FRMD4A: variants seen among roughly 807,000 people sequenced by gnomAD.
The protein encoded by FRMD4A is FERM domain-containing protein 4A.
In FRMD4A, 29 loss-of-function variants were observed where a neutral mutation model predicts 129.1. That is an observed-to-expected ratio of 0.22 (90% CI 0.17 to 0.31). The LOEUF (loss-of-function observed/expected upper bound fraction) is 0.31. Ranked by LOEUF, FRMD4A falls within the 10% of genes least tolerant of loss-of-function variation. The probability of loss-of-function intolerance (pLI) is 1.00; values close to 1 mark genes in which losing one functional copy is unlikely to be tolerated. For missense variants in FRMD4A, 1,272 were observed against 1,375.8 expected, an observed-to-expected ratio of 0.92 and a Z score of 1.19; for synonymous variants, 634 against 571.6, an observed-to-expected ratio of 1.11 and a Z score of -1.56.
At chr10:14,006,644 A>G (rs1224743455) in intron 2 of FRMD4A, among the ~76,000 whole-genome samples, 1 of 152,194 alleles carries the variant, frequency 6.6e-6, no homozygotes, top group Non-Finnish European at 1.5e-5. Flanking sequence ...AAGGCACACA[A>G]TTCACACTTC....
At chr10:14,314,963 T>C (rs1313281451) in intron 2 of FRMD4A, among the ~76,000 whole-genome samples, 2 of 152,124 alleles carry the variant, frequency 1.3e-5, no homozygotes, top group East Asian at 3.9e-4. Context: ...TTTTTTTAAT[T>C]TTTACTTTCC....
intron 2 of FRMD4A, among the ~76,000 whole-genome samples, chr10:14,230,008 A>G (rs569802195): frequency 6.6e-6 from 1 of 152,336 alleles, no homozygotes; most frequent in South Asian, 2.1e-4. Context: ...CTGTCTATAG[A>G]GGAAGGCTGA....
intron 3 of FRMD4A, among the ~76,000 whole-genome samples, chr10:13,834,028 G>C (rs1424237252): frequency 6.6e-6 from 1 of 152,066 alleles, no homozygotes; most frequent in Non-Finnish European, 1.5e-5. Context: ...GAGGCCACGG[G>C]GGAGGTGGGT....
At chr10:13,710,118 G>A (rs551747190) in intron 12 of FRMD4A, among the ~76,000 whole-genome samples, 1 of 152,234 alleles carries the variant, frequency 6.6e-6, no homozygotes, top group African/African-American at 2.4e-5. Context: ...AGGCTCTGTG[G>A]GGTAAGGTGC....
chr10:14,005,427 G>C (rs1248994081), intron 2 of FRMD4A, among the ~76,000 whole-genome samples: 1 of 152,176 alleles, frequency 6.6e-6, no homozygotes, highest in East Asian at 1.9e-4. Context: ...TCAGGATTTG[G>C]TGGATGTCTA....
chr10:14,266,738 G>A (rs573763300), intron 2 of FRMD4A, among the ~76,000 whole-genome samples: 5 of 152,118 alleles, frequency 3.3e-5, no homozygotes, highest in Non-Finnish European at 7.4e-5. Context: ...TTATCATAAA[G>A]AGACTCCAAG....
intron 2 of FRMD4A, among the ~76,000 whole-genome samples, chr10:14,107,902 G>T (rs1317692409): frequency 1.3e-5 from 2 of 152,150 alleles, no homozygotes; most frequent in Admixed American, 1.3e-4. Flanking sequence ...GATAAATAAT[G>T]CTGCAAAGAG....
intron 2 of FRMD4A, among the ~76,000 whole-genome samples, chr10:14,224,309 G>A (rs576132300): frequency 6.6e-6 from 1 of 152,284 alleles, no homozygotes; most frequent in East Asian, 1.9e-4. Context: ...TGCTTTCTCT[G>A]CCATCCTTGT....
chr10:13,965,873 A>G (rs550784131), intron 2 of FRMD4A, among the ~76,000 whole-genome samples: 17 of 152,396 alleles, frequency 1.1e-4, no homozygotes, highest in African/African-American at 3.8e-4. Flanking sequence ...CAAAATAGGT[A>G]GGAAGAAGAG....
At chr10:14,281,956 A>G (rs1290682172) in intron 2 of FRMD4A, among the ~76,000 whole-genome samples, 2 of 152,208 alleles carry the variant, frequency 1.3e-5, no homozygotes, top group Non-Finnish European at 2.9e-5. Context: ...GTGATTTATA[A>G]AGAAAAAGAG....
chr10:13,904,126 C>G (rs12266478), intron 2 of FRMD4A, among the ~76,000 whole-genome samples: 1 of 152,174 alleles, frequency 6.6e-6, no homozygotes, highest in East Asian at 1.9e-4. Flanking sequence ...TGGGACATGA[C>G]AGTGAACAGA....
At chr10:13,727,104 G>C (rs1228353223) in intron 12 of FRMD4A, among the ~76,000 whole-genome samples, 1 of 151,426 alleles carries the variant, frequency 6.6e-6, no homozygotes, top group East Asian at 2.0e-4. Flanking sequence ...GCTTCGCTAT[G>C]TTGGCCAGGC....
intron 3 of FRMD4A, among the ~76,000 whole-genome samples, chr10:13,840,280 C>A (rs1177339777): frequency 2.6e-5 from 4 of 152,054 alleles, no homozygotes; most frequent in Non-Finnish European, 5.9e-5. Flanking sequence ...ACCAGGGATA[C>A]TCCAGTATAC....
At chr10:14,102,877 G>C (rs893861777) in intron 2 of FRMD4A, among the ~76,000 whole-genome samples, 3 of 152,066 alleles carry the variant, frequency 2.0e-5, no homozygotes, top group African/African-American at 7.2e-5. Flanking sequence ...TTTCCAATAT[G>C]ATAGGCAGGA....
At chr10:14,122,227 C>T (rs1481986423) in intron 2 of FRMD4A, among the ~76,000 whole-genome samples, 2 of 152,138 alleles carry the variant, frequency 1.3e-5, no homozygotes, top group Non-Finnish European at 1.5e-5. Flanking sequence ...TCACATAACA[C>T]AAAAGTAGCC....
At chr10:13,979,411 GGA>G (rs1431550483) in intron 2 of FRMD4A, among the ~76,000 whole-genome samples, 1 of 152,074 alleles carries the variant, frequency 6.6e-6, no homozygotes. Context: ...GAGTTGTTTG[GGA>G]GATAATTAAC....
intron 2 of FRMD4A, among the ~76,000 whole-genome samples, chr10:14,153,791 A>G (rs951995080): frequency 3.3e-5 from 5 of 152,226 alleles, no homozygotes; most frequent in African/African-American, 4.8e-5. Flanking sequence ...GGAGGGCAGA[A>G]TAAGACAGAA....
At chr10:13,903,679 C>T (rs1444521903) in intron 2 of FRMD4A, among the ~76,000 whole-genome samples, 1 of 151,580 alleles carries the variant, frequency 6.6e-6, no homozygotes, top group African/African-American at 2.4e-5. Flanking sequence ...TGAGACCAGC[C>T]TGGGCAACAT....
chr10:13,708,068 A>G (rs955224956), intron 12 of FRMD4A: 1 of 172,350 alleles, frequency 5.8e-6, no homozygotes. Context: ...TTACTGCATC[A>G]CCTTCCACAT....
Sources: gnomAD v4.1 joint callset for allele counts (sites outside exome capture counted in the v4.1 genomes callset) on GRCh38, gnomAD v4.1.1 for gene constraint, MANE v1.5 for transcripts, NCBI Gene and HGNC (gene_info 2026-07-23, HGNC 2026-07-21) for gene names.